FBXL4: variants seen among roughly 807,000 people sequenced by gnomAD.
FBXL4 encodes F-box and leucine rich repeat protein 4, also known as F-box/LRR-repeat protein 4.
In FBXL4, 40 loss-of-function variants were observed where a neutral mutation model predicts 58.9. That is an observed-to-expected ratio of 0.68 (90% CI 0.53 to 0.88). The LOEUF (loss-of-function observed/expected upper bound fraction) is 0.88. Ranked by LOEUF, FBXL4 falls within the 40% of genes least tolerant of loss-of-function variation. The pLI, the probability that FBXL4 is intolerant of heterozygous loss-of-function variation, is 0.00. For missense variants in FBXL4, 676 were observed against 734.4 expected (o/e 0.92, Z 0.92); for synonymous variants, 263 against 265.5 (o/e 0.99, Z 0.09).
chr6:98,912,929 C>A (rs943825398), intron 5 of FBXL4, among the ~76,000 whole-genome samples: 4 of 151,844 alleles, frequency 2.6e-5, no homozygotes, highest in African/African-American at 9.7e-5. Context: ...ATTCAGGAAA[C>A]CCATCTCACG....
chr6:98,946,248 C>G (rs1382348090), intron 1 of FBXL4, among the ~76,000 whole-genome samples: 1 of 152,122 alleles, frequency 6.6e-6, no homozygotes, highest in Non-Finnish European at 1.5e-5. Context: ...ATTTATAGGA[C>G]TGATCAGCAG....
intron 1 of FBXL4, among the ~76,000 whole-genome samples, chr6:98,947,596 C>T (rs1164289906): frequency 1.3e-5 from 2 of 152,220 alleles, no homozygotes; most frequent in Non-Finnish European, 2.9e-5. Context: ...GTCAGCAGTT[C>T]TCAAGGGCCC....
intron 5 of FBXL4, among the ~76,000 whole-genome samples, chr6:98,912,842 T>C (rs1197641175): frequency 2.6e-5 from 4 of 151,842 alleles, no homozygotes; most frequent in African/African-American, 7.3e-5. Context: ...ACTTTAAATA[T>C]AAATGGACTA....
At chr6:98,904,790 G>GA (rs1190111111) in intron 6 of FBXL4, among the ~76,000 whole-genome samples, 1 of 152,092 alleles carries the variant, frequency 6.6e-6, no homozygotes, top group East Asian at 1.9e-4. Context: ...TGTATCCTAA[G>GA]AAAAAATTAC....
intron 2 of FBXL4, among the ~76,000 whole-genome samples, chr6:98,928,704 C>CTTTA (rs1368213242): frequency 6.6e-6 from 1 of 152,188 alleles, no homozygotes; most frequent in Non-Finnish European, 1.5e-5. Flanking sequence ...ATTATTTGCA[C>CTTTA]TAAATGTCCC....
At chr6:98,942,426 A>G (rs1156896246) in intron 1 of FBXL4, among the ~76,000 whole-genome samples, 1 of 152,102 alleles carries the variant, frequency 6.6e-6, no homozygotes, top group Non-Finnish European at 1.5e-5. Context: ...GGGGCCTGGA[A>G]GGTGATTGGA....
At chr6:98,885,857 C>T (rs545989173) in intron 7 of FBXL4, among the ~76,000 whole-genome samples, 1 of 152,312 alleles carries the variant, frequency 6.6e-6, no homozygotes, top group South Asian at 2.1e-4. Context: ...AAGGCTGTGG[C>T]TCCTGTCTTG....
chr6:98,896,471 A>G (rs1183542159), intron 7 of FBXL4, among the ~76,000 whole-genome samples: 1 of 152,202 alleles, frequency 6.6e-6, no homozygotes, highest in Non-Finnish European at 1.5e-5. Context: ...GAATGAGGAG[A>G]CAATAAGAGA....
intron 5 of FBXL4, among the ~76,000 whole-genome samples, chr6:98,911,707 G>C (rs1772078713): frequency 6.6e-6 from 1 of 152,068 alleles, no homozygotes; most frequent in Non-Finnish European, 1.5e-5. Context: ...ACCAAAAGTA[G>C]ATAAAACCAC....
At chr6:98,910,867 G>T (rs564054199) in intron 5 of FBXL4, among the ~76,000 whole-genome samples, 2 of 152,310 alleles carry the variant, frequency 1.3e-5, no homozygotes, top group East Asian at 3.9e-4. Flanking sequence ...AGCCGAAGCA[G>T]GGCGAGGCAT....
rs898498080 is a variant in FBXL4 at position 98,868,646 on chromosome 6, G to A, written c.*5632C>T. The A allele has an allele frequency of 3.3e-5, 5 of 152,060 alleles. No homozygotes were observed. The highest frequency in any genetic ancestry group is 5.9e-5 in the Non-Finnish European group (4 of 67,990). The allele number at this position is 152,060 out of a possible 1,614,324, so 9.4% of individuals were successfully genotyped here. A position where few individuals can be genotyped will look rare whatever the true frequency, so the allele number is the denominator to read the frequency against. ...TAAATAAAATTAAAATATCTCAGTC[G>A]TCTGTACAGACAACTTCATTTGTAA... is the stretch of plus-strand genomic sequence containing the variant. On this transcript the variant is annotated 3_prime_UTR_variant, in exon 10 of 10. Transcript: ENST00000369244.
chr6:98,919,164 A>G (rs1328534173), intron 4 of FBXL4, among the ~76,000 whole-genome samples: 1 of 152,156 alleles, frequency 6.6e-6, no homozygotes, highest in Non-Finnish European at 1.5e-5. Flanking sequence ...AAAAGCATAC[A>G]GCCACAATCT....
chr6:98,892,855 A>T (rs1018478262), intron 7 of FBXL4, among the ~76,000 whole-genome samples: 2 of 152,198 alleles, frequency 1.3e-5, no homozygotes, highest in Non-Finnish European at 2.9e-5. Context: ...ATACTTATGG[A>T]TTACTGTCAT....
At chr6:98,910,406 C>A (rs1221473233) in intron 5 of FBXL4, among the ~76,000 whole-genome samples, 8 of 152,202 alleles carry the variant, frequency 5.3e-5, no homozygotes, top group African/African-American at 1.9e-4. Context: ...ATAATCCCAG[C>A]ACTCTGGGAG....
At chr6:98,947,579 G>C (rs917602514) in intron 1 of FBXL4, among the ~76,000 whole-genome samples, 3 of 152,206 alleles carry the variant, frequency 2.0e-5, no homozygotes, top group Non-Finnish European at 2.9e-5. Flanking sequence ...GAAAGAGCCC[G>C]AGGCACGTCA....
chr6:98,897,203 T>C, intron 7 of FBXL4: 1 of 985,356 alleles, frequency 1.0e-6, no homozygotes, highest in Non-Finnish European at 1.2e-6. Flanking sequence ...ATTTCGTTTA[T>C]AGTACTTAGG....
chr6:98,947,854 G>A lies in FBXL4; in HGVS notation c.-357C>T, dbSNP rs896876069. On this transcript the variant is annotated 5_prime_UTR_variant, in exon 1 of 10. Coordinates refer to ENST00000369244, the MANE Select transcript of FBXL4 (RefSeq NM_001278716.2). The stretch of plus-strand genomic sequence containing the variant: ...GCGCCGCGGGCTTCACCAGCGACCA[G>A]GCAGCGCGAGAAGGCCTGGGTGCGG... 4.6e-5 allele frequency: 7 copies of A among 152,138 alleles called. No individual in the cohort carries two copies. The highest frequency in any genetic ancestry group is 1.0e-4 in the Non-Finnish European group (7 of 68,044). 9.4% of individuals were successfully genotyped at this position (152,138 alleles called of 1,614,324 possible). A position where few individuals can be genotyped will look rare whatever the true frequency, so the allele number is the denominator to read the frequency against.
chr6:98,882,596 C>T (rs981166069), intron 7 of FBXL4, among the ~76,000 whole-genome samples: 1 of 150,886 alleles, frequency 6.6e-6, no homozygotes, highest in African/African-American at 2.4e-5. Context: ...CAAAAGAATG[C>T]CCATAATAAC....
intron 5 of FBXL4, among the ~76,000 whole-genome samples, chr6:98,907,653 A>G (rs1413366393): frequency 5.9e-5 from 9 of 152,214 alleles, no homozygotes; most frequent in South Asian, 4.1e-4. Flanking sequence ...GCTAAATGTT[A>G]AAAATCTTAT....
Sources: allele counts gnomAD v4.1 joint callset (sites outside exome capture counted in the v4.1 genomes callset), GRCh38; gene constraint gnomAD v4.1.1; transcripts MANE v1.5; gene names NCBI Gene and HGNC (gene_info 2026-07-23, HGNC 2026-07-21).